DKK2: variants seen among roughly 807,000 people sequenced by gnomAD.
DKK2 encodes the protein dickkopf-related protein 2.
In DKK2, 11 loss-of-function variants were observed where a neutral mutation model predicts 28.1. The ratio of observed to expected loss-of-function variants is 0.39; its 90% CI spans 0.25 to 0.65. The LOEUF (loss-of-function observed/expected upper bound fraction) is 0.65, where lower values mean the gene tolerates loss of function less well. Among genes scored for constraint, DKK2 ranks in the 30% least tolerant of loss-of-function variants. The pLI is 0.47. For synonymous variants in DKK2, 135 were observed against 126.5 expected, an observed-to-expected ratio of 1.07 and a Z score of -0.45; for missense variants, 326 against 335.5, an observed-to-expected ratio of 0.97 and a Z score of 0.22.
intron 1 of DKK2, among the ~76,000 whole-genome samples, chr4:106,992,069 A>C (rs1278913076): frequency 6.6e-6 from 1 of 152,226 alleles, no homozygotes; most frequent in African/African-American, 2.4e-5. Context: ...TGAGATAAGC[A>C]GTAGGCTAGG....
chr4:106,936,414 G>GA (rs200142238), intron 1 of DKK2, among the ~76,000 whole-genome samples: 1 of 152,184 alleles, frequency 6.6e-6, no homozygotes, highest in Admixed American at 6.5e-5. Flanking sequence ...GAAGTTTAGA[G>GA]AAAAAAGAAT....
Position 106,923,616 on chromosome 4 carries a change from C to G in DKK2, c.*338G>C, listed in dbSNP as rs1381550578. The G allele has an allele frequency of 4.7e-6, 1 of 211,966 alleles. No homozygotes were observed. Among genetic ancestry groups the G allele is most frequent in the African/African-American group, 2.3e-5 (1 of 43,390 alleles). 13.1% of individuals were successfully genotyped at this position (211,966 alleles called of 1,614,324 possible). A position where few individuals can be genotyped will look rare whatever the true frequency, so the allele number is the denominator to read the frequency against. ...TAAGCAATCAGCAATCTGAAGGAAA[C>G]CTCTCCTCCAGCACAACCTAAACTC... On this transcript the variant is annotated 3_prime_UTR_variant, in exon 4 of 4. Coordinates refer to ENST00000285311, the MANE Select transcript of DKK2 (RefSeq NM_014421.3).
chr4:106,934,091 G>A lies in DKK2; in HGVS notation c.223-8142C>T, dbSNP rs189054524. 2.5e-3 allele frequency among the ~76,000 whole-genome samples: 368 copies of A among 149,168 alleles called. 2 individuals are homozygous for A. The highest frequency in any genetic ancestry group is 8.5e-3 in the African/African-American group (342 of 40,288). ...CACACACACACACACACACACATAT[G>A]TATGTATAAAATTAGCTCAAGTTAT... On this transcript the variant is annotated intron_variant, in intron 1 of 3. Transcript: ENST00000285311.
intron 1 of DKK2, among the ~76,000 whole-genome samples, chr4:106,948,865 C>G (rs1724817826): frequency 6.6e-6 from 1 of 152,206 alleles, no homozygotes; most frequent in South Asian, 2.1e-4. Flanking sequence ...ATGGATAGGG[C>G]TTTATACATG....
At chr4:107,008,822 A>G (rs76789768) in intron 1 of DKK2, among the ~76,000 whole-genome samples, 5,830 of 152,068 alleles carry the variant, frequency 0.038, 162 homozygotes, top group Non-Finnish European at 0.06. Context: ...TAAGTCAAAT[A>G]AAATTACTTT....
At chr4:106,963,331 C>T (rs781763788) in intron 1 of DKK2, among the ~76,000 whole-genome samples, 6 of 150,168 alleles carry the variant, frequency 4.0e-5, no homozygotes, top group East Asian at 1.9e-4. Context: ...CCAGCCTGGG[C>T]GACACAGTTA....
chr4:107,027,105 C>T (rs1044891140), intron 1 of DKK2, among the ~76,000 whole-genome samples: 4 of 152,016 alleles, frequency 2.6e-5, no homozygotes, highest in Admixed American at 2.6e-4. Flanking sequence ...AAGGACTAGA[C>T]AATAGGCTGC....
At chr4:107,025,034 T>A (rs1257263821) in intron 1 of DKK2, among the ~76,000 whole-genome samples, 3 of 151,978 alleles carry the variant, frequency 2.0e-5, no homozygotes, top group Non-Finnish European at 4.4e-5. Context: ...ACTCCTGAAG[T>A]GGAGAGAGAG....
intron 1 of DKK2, among the ~76,000 whole-genome samples, chr4:106,954,400 T>A (rs1722555881): frequency 1.3e-5 from 2 of 152,178 alleles, no homozygotes; most frequent in South Asian, 4.1e-4. Flanking sequence ...GCCTAGGAAA[T>A]AAGAGAGGAA....
chr4:107,028,140 A>C (rs896992280), intron 1 of DKK2, among the ~76,000 whole-genome samples: 7 of 151,004 alleles, frequency 4.6e-5, no homozygotes, highest in African/African-American at 1.7e-4. Flanking sequence ...CAGCTTGCTT[A>C]TTTTCTGCAA....
At chr4:106,981,096 C>T (rs1173349911) in intron 1 of DKK2, among the ~76,000 whole-genome samples, 1 of 151,952 alleles carries the variant, frequency 6.6e-6, no homozygotes, top group Non-Finnish European at 1.5e-5. Flanking sequence ...CATTTAAAGC[C>T]TGTTTAAAGT....
At chr4:107,015,660 C>A (rs1181105621) in intron 1 of DKK2, among the ~76,000 whole-genome samples, 8 of 151,656 alleles carry the variant, frequency 5.3e-5, no homozygotes, top group Non-Finnish European at 7.4e-5. Context: ...CAATGTTTTC[C>A]AGCATGACTT....
At chr4:106,929,299 T>C (rs895684298) in intron 1 of DKK2, among the ~76,000 whole-genome samples, 1 of 152,188 alleles carries the variant, frequency 6.6e-6, no homozygotes, top group African/African-American at 2.4e-5. Flanking sequence ...ACAGACTAGA[T>C]AACTTTTCCT....
At chr4:107,009,439 C>T (rs1723484662) in intron 1 of DKK2, among the ~76,000 whole-genome samples, 1 of 151,862 alleles carries the variant, frequency 6.6e-6, no homozygotes, top group Non-Finnish European at 1.5e-5. Context: ...AGAGAATCTG[C>T]ACTTTTTCTG....
At chr4:106,932,228 T>G (rs1234278348) in intron 1 of DKK2, among the ~76,000 whole-genome samples, 2 of 152,140 alleles carry the variant, frequency 1.3e-5, no homozygotes, top group African/African-American at 4.8e-5. Flanking sequence ...GATGAAAGAG[T>G]ATCTCCTAAA....
intron 1 of DKK2, among the ~76,000 whole-genome samples, chr4:106,996,532 T>C (rs775650816): frequency 6.6e-6 from 1 of 152,192 alleles, no homozygotes; most frequent in Non-Finnish European, 1.5e-5. Flanking sequence ...ACTACCTTCT[T>C]TCCCCAAGAC....
chr4:107,029,065 T>C (rs947348619), intron 1 of DKK2, among the ~76,000 whole-genome samples: 1 of 152,198 alleles, frequency 6.6e-6, no homozygotes, highest in African/African-American at 2.4e-5. Flanking sequence ...CGTATTGCTA[T>C]GGTGCCTGCC....
intron 1 of DKK2, among the ~76,000 whole-genome samples, chr4:106,957,823 C>T (rs1024950537): frequency 8.1e-5 from 12 of 148,804 alleles, no homozygotes; most frequent in Non-Finnish European, 1.5e-4. Flanking sequence ...TTAATGGGTG[C>T]AGCACACCAG....
At chr4:106,985,096 C>T (rs2110359678) in intron 1 of DKK2, among the ~76,000 whole-genome samples, 3 of 151,502 alleles carry the variant, frequency 2.0e-5, no homozygotes, top group Admixed American at 2.0e-4. Context: ...GTAGTCCCAG[C>T]TACTAGGCAG....
Sources: allele counts gnomAD v4.1 joint callset (sites outside exome capture counted in the v4.1 genomes callset), GRCh38; gene constraint gnomAD v4.1.1; transcripts MANE v1.5; gene names NCBI Gene and HGNC (gene_info 2026-07-23, HGNC 2026-07-21).